Variants in PPARA observed in about 807,000 individuals in gnomAD.
The protein encoded by PPARA is peroxisome proliferator-activated receptor alpha.
A neutral mutation model predicts 42.2 loss-of-function variants in PPARA; 22 were observed. The ratio of observed to expected loss-of-function variants is 0.52; its 90% CI spans 0.37 to 0.74. PPARA has a LOEUF of 0.74. Ranked by LOEUF, PPARA falls within the 30% of genes least tolerant of loss-of-function variation. The pLI is 0.00. For synonymous variants in PPARA, 242 were observed against 239.3 expected (o/e 1.01, Z -0.10); for missense variants, 465 against 608.2 (o/e 0.76, Z 2.48).
chr22:46,215,166 T>G lies in PPARA; in HGVS notation c.209-7T>G. 6.2e-7 allele frequency: 1 copy of G among 1,613,600 alleles called. No homozygotes were observed. Among genetic ancestry groups the G allele is most frequent in the Middle Eastern group, 1.7e-4 (1 of 5,722 alleles). ...ACTATTCATCCGTCTCTCCTCTTTT[T>G]CCCCAGACACGCTTTCACCAGCTTC... On this transcript the variant is annotated splice_region_variant and splice_polypyrimidine_tract_variant and intron_variant, in intron 4 of 8. Coordinates refer to ENST00000407236, the MANE Select transcript of PPARA (RefSeq NM_005036.6).
rs35404482 is a variant in PPARA, at chr22:46,236,865, G to GT, written c.*1491dup. The GT allele has an allele frequency of 2.0e-5, 3 of 152,178 alleles. No homozygotes were observed. Among genetic ancestry groups the GT allele is most frequent in the African/African-American group, 7.2e-5 (3 of 41,436 alleles). 9.4% of individuals were successfully genotyped at this position (152,178 alleles called of 1,614,324 possible). Reference sequence around the variant, plus strand: ...TTAAGTCTCCTTTGTATGTAAGGTAGTTTTTTCAACATCTAAAATTTTTGT... The same window carrying GT: ...TTAAGTCTCCTTTGTATGTAAGGTAGTTTTTTTCAACATCTAAAATTTTTGT... On this transcript the variant is annotated 3_prime_UTR_variant, in exon 9 of 9. Transcript: ENST00000407236. The surrounding 1 kb of genome is among the most constrained non-coding windows in gnomAD (Gnocchi z 5.2).
At position 46,183,370 on chromosome 22, in the gene PPARA, G is replaced by A. The variant is rs1033972646; in HGVS notation, c.-43+6534G>A. Among the ~76,000 whole-genome samples, 1 of 152,208 alleles carries A rather than the reference G, an allele frequency of 6.6e-6. No individual in the cohort carries two copies. The highest frequency in any genetic ancestry group is 2.4e-5 in the African/African-American group (1 of 41,456). On this transcript the variant is annotated intron_variant, in intron 3 of 8. Coordinates refer to ENST00000407236, the MANE Select transcript of PPARA (RefSeq NM_005036.6). The surrounding 1 kb of genome is among the most constrained non-coding windows in gnomAD (Gnocchi z 5.5). Reference sequence around the variant, plus strand: ...AAACTTGACTGAAGACTCCAAGAGAGAGTAATATTCATCAAGAGGATCATC... The same window carrying A: ...AAACTTGACTGAAGACTCCAAGAGAAAGTAATATTCATCAAGAGGATCATC...
chr22:46,201,604 A>G (rs1450029532), intron 4 of PPARA, among the ~76,000 whole-genome samples: 3 of 152,040 alleles, frequency 2.0e-5, no homozygotes, highest in African/African-American at 7.2e-5. Flanking sequence ...CAATGACCGC[A>G]TTGTTTCCTG....
intron 2 of PPARA, among the ~76,000 whole-genome samples, chr22:46,175,203 C>T (rs1197554358): frequency 6.6e-6 from 1 of 152,144 alleles, no homozygotes; most frequent in Non-Finnish European, 1.5e-5. Context: ...AGATCCCCAG[C>T]ACTCTTTCCA....
rs1175955337 is a variant in PPARA, at chr22:46,188,121, A to G, written c.-42-10221A>G. 2.0e-5 allele frequency among the ~76,000 whole-genome samples: 3 copies of G among 152,224 alleles called. No homozygotes were observed. Among genetic ancestry groups the G allele is most frequent in the Non-Finnish European group, 4.4e-5 (3 of 68,046 alleles). On this transcript the variant is annotated intron_variant, in intron 3 of 8. Coordinates refer to ENST00000407236, the MANE Select transcript of PPARA (RefSeq NM_005036.6). This position sits in a 1 kb window ranked among gnomAD's most constrained non-coding sequence, Gnocchi z 5.0. ...CCACAAAATGACCACAGCTATGTGA[A>G]TTATCCCAGGTCAGACCAGTAGAAG... is the stretch of plus-strand genomic sequence containing the variant.
At position 46,187,271 on chromosome 22, in the gene PPARA, G is replaced by A. The variant is rs540777425; in HGVS notation, c.-43+10435G>A. Among the ~76,000 whole-genome samples the A allele has an allele frequency of 8.5e-5, 13 of 152,326 alleles. 1 individual carries two copies. The highest frequency in any genetic ancestry group is 2.9e-4 in the African/African-American group (12 of 41,578). Reference sequence around the variant, plus strand: ...CATTTTAAAACTGAACTCATGGCCAGGTGCATTGGCTCATGCCTGTAATCC... The same window carrying A: ...CATTTTAAAACTGAACTCATGGCCAAGTGCATTGGCTCATGCCTGTAATCC... On this transcript the variant is annotated intron_variant, in intron 3 of 8. Coordinates refer to ENST00000407236, the MANE Select transcript of PPARA (RefSeq NM_005036.6). This position sits in a 1 kb window ranked among gnomAD's most constrained non-coding sequence, Gnocchi z 4.9.
At chr22:46,210,392 C>A (rs975562369) in intron 4 of PPARA, among the ~76,000 whole-genome samples, 2 of 147,950 alleles carry the variant, frequency 1.4e-5, no homozygotes, top group African/African-American at 4.9e-5. Flanking sequence ...AGTTATTTTT[C>A]TCCTTGTCAT....
At position 46,171,876 on chromosome 22, in the gene PPARA, G is replaced by T. The variant is rs1928101535; in HGVS notation, c.-126-4877G>T. ...AGGGGACTGGATATGCTCTGATCTA[G>T]CTGCTAAAAAGCCCCCTTGGGCAGC... On this transcript the variant is annotated intron_variant, in intron 2 of 8. Transcript: ENST00000407236. This position sits in a 1 kb window ranked among gnomAD's most constrained non-coding sequence, Gnocchi z 5.0. Among the ~76,000 whole-genome samples the T allele has an allele frequency of 1.3e-5, 2 of 152,168 alleles. No homozygotes were observed. The highest frequency in any genetic ancestry group is 6.5e-5 in the Admixed American group (1 of 15,270).
At position 46,200,940 on chromosome 22, in the gene PPARA, G is replaced by A. The variant is rs530603178; in HGVS notation, c.208+2349G>A. 2.6e-5 allele frequency among the ~76,000 whole-genome samples: 4 copies of A among 151,564 alleles called. No homozygotes were observed. The highest frequency in any genetic ancestry group is 6.6e-5 in the Admixed American group (1 of 15,174). On this transcript the variant is annotated intron_variant, in intron 4 of 8. Coordinates refer to ENST00000407236, the MANE Select transcript of PPARA (RefSeq NM_005036.6). The surrounding 1 kb of genome is among the most constrained non-coding windows in gnomAD (Gnocchi z 4.8). ...CTCCATCTCAAAAAAAAGTTGGGGCGTGGTGGCTCATGCCTGTAATCCCAG... is the reference window on the plus strand; with the variant it reads ...CTCCATCTCAAAAAAAAGTTGGGGCATGGTGGCTCATGCCTGTAATCCCAG...
chr22:46,232,573 G>A lies in PPARA; in HGVS notation c.1159+334G>A, dbSNP rs546278054. Among the ~76,000 whole-genome samples, 1 of 151,980 alleles carries A rather than the reference G, an allele frequency of 6.6e-6. No homozygotes were observed. The highest frequency in any genetic ancestry group is 1.9e-4 in the East Asian group (1 of 5,184). The stretch of plus-strand genomic sequence containing the variant: ...GTAGACTGAGGCAAAAGGATCTCTT[G>A]AGCCCAGGAGTTCAGGTTGCAATGA... On this transcript the variant is annotated intron_variant, in intron 8 of 8. Transcript: ENST00000407236. This position sits in a 1 kb window ranked among gnomAD's most constrained non-coding sequence, Gnocchi z 5.3.
chr22:46,209,808 T>C (rs946999243), intron 4 of PPARA, among the ~76,000 whole-genome samples: 10 of 152,268 alleles, frequency 6.6e-5, no homozygotes, highest in African/African-American at 2.4e-4. Flanking sequence ...CGCAGTGGCA[T>C]GATCACAGCT....
At position 46,198,359 on chromosome 22, in the gene PPARA, G is replaced by A. The variant is rs2147384095; in HGVS notation, c.-25G>A. ...CCTCCCAGTAGCTTGGAGCTCGGCG[G>A]CACAACCAGCACCATCTGGTCGCGA... On this transcript the variant is annotated 5_prime_UTR_variant, in exon 4 of 9. Coordinates refer to ENST00000407236, the MANE Select transcript of PPARA (RefSeq NM_005036.6). The A allele has an allele frequency of 1.2e-6, 2 of 1,610,260 alleles. No individual in the cohort carries two copies. Among genetic ancestry groups the A allele is most frequent in the South Asian group, 1.1e-5 (1 of 90,994 alleles).
In PPARA at chr22:46,160,235, C is replaced by T. The variant is rs1200763971; in HGVS notation, c.-127+8265C>T. ...AATGCCTTCAAAGTCCCAGGCTTCA[C>T]GTGGGAACAGAGAATGTGAAGAGTA... On this transcript the variant is annotated intron_variant, in intron 2 of 8. Coordinates refer to ENST00000407236, the MANE Select transcript of PPARA (RefSeq NM_005036.6). This position sits in a 1 kb window ranked among gnomAD's most constrained non-coding sequence, Gnocchi z 4.5. 1.3e-5 allele frequency among the ~76,000 whole-genome samples: 2 copies of T among 152,158 alleles called. No individual in the cohort carries two copies. The highest frequency in any genetic ancestry group is 2.9e-5 in the Non-Finnish European group (2 of 68,036).
chr22:46,185,044 A>G (rs1467663764), intron 3 of PPARA, among the ~76,000 whole-genome samples: 1 of 152,080 alleles, frequency 6.6e-6, no homozygotes, highest in Non-Finnish European at 1.5e-5. Flanking sequence ...ATTCATGCCC[A>G]TCATTTCTGA....
chr22:46,184,221 T>C lies in PPARA; in HGVS notation c.-43+7385T>C, dbSNP rs1324808680. Among the ~76,000 whole-genome samples the C allele has an allele frequency of 6.6e-6, 1 of 152,148 alleles. No homozygotes were observed. Among genetic ancestry groups the C allele is most frequent in the Non-Finnish European group, 1.5e-5 (1 of 68,018 alleles). On this transcript the variant is annotated intron_variant, in intron 3 of 8. Coordinates refer to ENST00000407236, the MANE Select transcript of PPARA (RefSeq NM_005036.6). The surrounding 1 kb of genome is among the most constrained non-coding windows in gnomAD (Gnocchi z 4.4). ...TTTTTATAAAACAATAATATTGCAG[T>C]GCAAATTAAACACAAGCAACCTGCA...
chr22:46,228,850 A>G (rs1004106187), intron 7 of PPARA, among the ~76,000 whole-genome samples: 25 of 152,230 alleles, frequency 1.6e-4, no homozygotes, highest in African/African-American at 6.0e-4. Context: ...CACGCCTGTA[A>G]TCCCAGCACT....
chr22:46,225,524 C>A lies in PPARA; in HGVS notation c.711+5510C>A, dbSNP rs755559956. Among the ~76,000 whole-genome samples the A allele has an allele frequency of 9.9e-5, 15 of 152,156 alleles. No homozygotes were observed. Among genetic ancestry groups the A allele is most frequent in the Non-Finnish European group, 1.9e-4 (13 of 68,016 alleles). On this transcript the variant is annotated intron_variant, in intron 7 of 8. Transcript: ENST00000407236. This position sits in a 1 kb window ranked among gnomAD's most constrained non-coding sequence, Gnocchi z 4.1. ...ACAAATGCACGCACATACCCACACT[C>A]ACACATCCGTGCACACACGGGTACA... is the stretch of plus-strand genomic sequence containing the variant.
intron 2 of PPARA, among the ~76,000 whole-genome samples, chr22:46,153,355 A>C (rs981096736): frequency 5.9e-5 from 9 of 151,766 alleles, no homozygotes; most frequent in African/African-American, 2.2e-4. Context: ...TTTTTAGTAG[A>C]GGTGGGTTTC....
chr22:46,231,051 CT>C lies in PPARA; in HGVS notation c.712-731del, dbSNP rs561634561. 2.1e-4 allele frequency among the ~76,000 whole-genome samples: 31 copies of C among 149,008 alleles called. No homozygotes were observed. Among genetic ancestry groups the C allele is most frequent in the African/African-American group, 5.6e-4 (23 of 40,712 alleles). On this transcript the variant is annotated intron_variant, in intron 7 of 8. Coordinates refer to ENST00000407236, the MANE Select transcript of PPARA (RefSeq NM_005036.6). This position sits in a 1 kb window ranked among gnomAD's most constrained non-coding sequence, Gnocchi z 7.7. Reference sequence around the variant, plus strand: ...AAATCAGTACTTCAGTTTCTTGTTTCTTTTTTTTTTGAGACGGAGTCTTACT... The same window carrying C: ...AAATCAGTACTTCAGTTTCTTGTTTCTTTTTTTTTGAGACGGAGTCTTACT...
Sources: allele counts gnomAD v4.1 joint callset (sites outside exome capture counted in the v4.1 genomes callset), GRCh38; gene constraint gnomAD v4.1.1; non-coding constraint Gnocchi (gnomAD v3.1); transcripts MANE v1.5; gene names NCBI Gene and HGNC (gene_info 2026-07-23, HGNC 2026-07-21).